Variants in FOXK1 observed in about 807,000 individuals in gnomAD.
The protein encoded by FOXK1 is forkhead box K1, also known as forkhead box protein K1.
A neutral mutation model predicts 51.9 loss-of-function variants in FOXK1; 19 were observed. That is an observed-to-expected ratio of 0.37 (90% CI 0.26 to 0.54). The LOEUF is 0.54. Among genes scored for constraint, FOXK1 ranks in the 20% least tolerant of loss-of-function variants. The pLI, the probability that FOXK1 is intolerant of heterozygous loss-of-function variation, is 0.87. For missense variants in FOXK1, 870 were observed against 1,032.7 expected (o/e 0.84, Z 2.16); for synonymous variants, 537 against 482.6 (o/e 1.11, Z -1.48).
intron 7 of FOXK1, chr7:4,760,029 C>CAAAA (rs10644631): frequency 8.4e-4 from 127 of 150,898 alleles, no homozygotes; most frequent in African/African-American, 3.1e-3. Flanking sequence ...AACCCTGTCT[C>CAAAA]AAAAAAAAAA....
At chr7:4,728,841 T>C (rs1358472860) in intron 1 of FOXK1, among the ~76,000 whole-genome samples, 1 of 151,614 alleles carries the variant, frequency 6.6e-6, no homozygotes, top group Non-Finnish European at 1.5e-5. Flanking sequence ...AAGGGGACCC[T>C]GGGGAACAGT....
chr7:4,767,704 A>G lies in FOXK1; in HGVS notation c.*5240A>G, dbSNP rs1781034774. 6.6e-6 allele frequency: 1 copy of G among 151,968 alleles called. No homozygotes were observed. Among genetic ancestry groups the G allele is most frequent in the East Asian group, 1.9e-4 (1 of 5,182 alleles). 9.4% of individuals were successfully genotyped at this position (151,968 alleles called of 1,614,324 possible). On this transcript the variant is annotated 3_prime_UTR_variant, in exon 9 of 9. Coordinates refer to ENST00000328914, the MANE Select transcript of FOXK1 (RefSeq NM_001037165.2). The surrounding 1 kb of genome is among the most constrained non-coding windows in gnomAD (Gnocchi z 6.6). ...CATCTTACAATTTCCTTTTCTTTTC[A>G]AAGTTCCTTTCTCCAGGCCTGTTTT... is the stretch of plus-strand genomic sequence containing the variant.
At chr7:4,739,658 A>G (rs1369852283) in intron 1 of FOXK1, among the ~76,000 whole-genome samples, 3 of 152,224 alleles carry the variant, frequency 2.0e-5, no homozygotes, top group Non-Finnish European at 4.4e-5. Flanking sequence ...TCACGGTTTT[A>G]AGCCCAGAAC....
In FOXK1 at chr7:4,755,629, G is replaced by A. The variant is rs576448749; in HGVS notation, c.1050+246G>A. On this transcript the variant is annotated intron_variant, in intron 4 of 8. Coordinates refer to ENST00000328914, the MANE Select transcript of FOXK1 (RefSeq NM_001037165.2). The surrounding 1 kb of genome is among the most constrained non-coding windows in gnomAD (Gnocchi z 6.6). ...CACCTGTGGTCGCAGCTACTCGGAG[G>A]CTGAGGTGGGAGGATCACTTGAGCC... Among the ~76,000 whole-genome samples the A allele has an allele frequency of 2.6e-5, 4 of 152,292 alleles. No individual in the cohort carries two copies. In the East Asian group the frequency reaches 5.8e-4, roughly 22 times the overall value.
At position 4,703,726 on chromosome 7, in the gene FOXK1, G is replaced by T. The variant is rs906549458; in HGVS notation, c.560+20858G>T. 6.6e-6 allele frequency among the ~76,000 whole-genome samples: 1 copy of T among 152,164 alleles called. No individual in the cohort carries two copies. The highest frequency in any genetic ancestry group is 2.4e-5 in the African/African-American group (1 of 41,442). ...GACATAGCGCTGCTCGGGCGACCAG[G>T]AGGCCCTTCAGTGCTCCGGAGGCAC... On this transcript the variant is annotated intron_variant, in intron 1 of 8. Transcript: ENST00000328914. The surrounding 1 kb of genome is among the most constrained non-coding windows in gnomAD (Gnocchi z 5.6).
At chr7:4,718,048 G>A (rs536619402) in intron 1 of FOXK1, among the ~76,000 whole-genome samples, 1 of 152,294 alleles carries the variant, frequency 6.6e-6, no homozygotes, top group Non-Finnish European at 1.5e-5. Flanking sequence ...CGCTGCCTCT[G>A]GGGGCCCTGT....
chr7:4,740,471 C>T (rs963743940), intron 1 of FOXK1, among the ~76,000 whole-genome samples: 14 of 150,374 alleles, frequency 9.3e-5, no homozygotes, highest in African/African-American at 2.9e-4. Context: ...ATTAGCCGGG[C>T]GTGGTGGTGG....
intron 1 of FOXK1, among the ~76,000 whole-genome samples, chr7:4,696,619 C>T (rs1007804038): frequency 3.9e-5 from 6 of 152,176 alleles, no homozygotes; most frequent in African/African-American, 1.4e-4. Context: ...CTGGTTCTTT[C>T]GGGAGGCATT....
rs1780887097 is a variant in FOXK1, at chr7:4,758,690, G to A, written c.1245-361G>A. ...TCGGGTAGAGTTTTCATGGTGGAAC[G>A]GTTGCGCCCACCAAACAGAAGCTTA... On this transcript the variant is annotated intron_variant, in intron 5 of 8. Coordinates refer to ENST00000328914, the MANE Select transcript of FOXK1 (RefSeq NM_001037165.2). This position sits in a 1 kb window ranked among gnomAD's most constrained non-coding sequence, Gnocchi z 4.4. 4.1e-6 allele frequency: 1 copy of A among 246,446 alleles called. No homozygotes were observed. The allele number at this position is 246,446 out of a possible 1,614,324, so 15.3% of individuals were successfully genotyped here.
chr7:4,691,536 G>A (rs182313819), intron 1 of FOXK1, among the ~76,000 whole-genome samples: 163 of 152,148 alleles, frequency 1.1e-3, no homozygotes, highest in African/African-American at 3.8e-3. Flanking sequence ...GGGTTTTACT[G>A]TGTCGGCCAG....
rs907766949 is a variant in FOXK1 at position 4,686,717 on chromosome 7, C to A, written c.560+3849C>A. On this transcript the variant is annotated intron_variant, in intron 1 of 8. Transcript: ENST00000328914. Reference sequence around the variant, plus strand: ...CTATTAGGTATGCAACAACTGGGTTCTGTTTGTTGAGTGAACAAATTAATG... The same window carrying A: ...CTATTAGGTATGCAACAACTGGGTTATGTTTGTTGAGTGAACAAATTAATG... Among the ~76,000 whole-genome samples, 3 of 152,134 alleles carry A rather than the reference C, an allele frequency of 2.0e-5. No individual in the cohort carries two copies. In the South Asian group the frequency reaches 6.2e-4, roughly 31 times the overall value.
At chr7:4,742,694 G>C (rs762021221) in intron 2 of FOXK1, among the ~76,000 whole-genome samples, 3 of 152,192 alleles carry the variant, frequency 2.0e-5, no homozygotes, top group Non-Finnish European at 4.4e-5. Flanking sequence ...TGAGGTTACA[G>C]GTGTGAGCCA....
intron 1 of FOXK1, among the ~76,000 whole-genome samples, chr7:4,716,200 A>C (rs1215175554): frequency 6.6e-6 from 1 of 151,856 alleles, no homozygotes; most frequent in East Asian, 1.9e-4. Context: ...CAGCCTGTGC[A>C]ACATGTGCAA....
chr7:4,759,801 C>G, intron 7 of FOXK1: 1 of 647,106 alleles, frequency 1.5e-6, no homozygotes, highest in Non-Finnish European at 2.6e-6. Context: ...GAGGCCAAAG[C>G]GGGTGGATTA....
At chr7:4,705,103 A>AT (rs1780067168) in intron 1 of FOXK1, among the ~76,000 whole-genome samples, 2 of 152,150 alleles carry the variant, frequency 1.3e-5, no homozygotes, top group African/African-American at 4.8e-5. Flanking sequence ...AAGTACTGGG[A>AT]TTACAGCATG....
chr7:4,693,758 G>C (rs1779920766), intron 1 of FOXK1, among the ~76,000 whole-genome samples: 2 of 152,184 alleles, frequency 1.3e-5, no homozygotes, highest in South Asian at 4.1e-4. Flanking sequence ...ATTTTGAGGC[G>C]GTCTTGTTCT....
At chr7:4,740,550 G>A (rs1388003969) in intron 1 of FOXK1, among the ~76,000 whole-genome samples, 1 of 152,162 alleles carries the variant, frequency 6.6e-6, no homozygotes, top group Admixed American at 6.5e-5. Flanking sequence ...GGCTGAGGTT[G>A]CGGTGAGCTG....
intron 1 of FOXK1, among the ~76,000 whole-genome samples, chr7:4,727,473 G>A (rs1207729293): frequency 3.3e-5 from 5 of 151,892 alleles, no homozygotes; most frequent in African/African-American, 4.8e-5. Flanking sequence ...GCAGCACCAC[G>A]CCCAGCTAGT....
intron 1 of FOXK1, among the ~76,000 whole-genome samples, chr7:4,685,525 CT>C (rs79117434): frequency 0.13 from 17,556 of 134,836 alleles, 1,254 homozygotes; most frequent in Non-Finnish European, 0.18. Context: ...CCCGGCCTCA[CT>C]TTTTTTTTTT....
Sources: allele counts gnomAD v4.1 joint callset (sites outside exome capture counted in the v4.1 genomes callset), GRCh38; gene constraint gnomAD v4.1.1; non-coding constraint Gnocchi (gnomAD v3.1); transcripts MANE v1.5; gene names NCBI Gene and HGNC (gene_info 2026-07-23, HGNC 2026-07-21).